The following GRXCR1 variants were observed in gnomAD, a reference collection of about 807,000 sequenced individuals.
The protein encoded by GRXCR1 is glutaredoxin domain-containing cysteine-rich protein 1.
In GRXCR1, 27 loss-of-function variants were observed where a neutral mutation model predicts 27.3. That is an observed-to-expected ratio of 0.99 (90% CI 0.73 to 1.37). GRXCR1 has a LOEUF of 1.37. Ranked by LOEUF, GRXCR1 falls within the 40% of genes most tolerant of loss-of-function variation. GRXCR1 has a pLI of 0.00. For synonymous variants in GRXCR1, 122 were observed against 131.1 expected (o/e 0.93, Z 0.47); for missense variants, 379 against 354.4 (o/e 1.07, Z -0.56).
chr4:42,897,672 C>T (rs1746375070), intron 1 of GRXCR1, among the ~76,000 whole-genome samples: 1 of 151,990 alleles, frequency 6.6e-6, no homozygotes, highest in Non-Finnish European at 1.5e-5. Context: ...TATTTTGCTG[C>T]TAAGAACAAA....
intron 1 of GRXCR1, among the ~76,000 whole-genome samples, chr4:42,940,895 A>C (rs139205964): frequency 1.9e-4 from 29 of 152,202 alleles, no homozygotes; most frequent in African/African-American, 6.7e-4. Context: ...TAATGTTGCC[A>C]TATAAAATAT....
At chr4:43,021,700 T>C (rs1215244962) in intron 3 of GRXCR1, among the ~76,000 whole-genome samples, 3 of 152,208 alleles carry the variant, frequency 2.0e-5, no homozygotes, top group African/African-American at 7.2e-5. Context: ...TCAATGAGGA[T>C]GATGGGCAGA....
chr4:43,009,990 C>T (rs528237641), intron 2 of GRXCR1, among the ~76,000 whole-genome samples: 108 of 152,210 alleles, frequency 7.1e-4, no homozygotes, highest in Admixed American at 1.5e-3. Context: ...CAGGGGTATA[C>T]ATTTCTCTGC....
At chr4:43,005,912 G>A (rs1712542287) in intron 2 of GRXCR1, among the ~76,000 whole-genome samples, 1 of 152,320 alleles carries the variant, frequency 6.6e-6, no homozygotes, top group East Asian at 1.9e-4. Context: ...ATATTTTGTT[G>A]TCATGGATAT....
chr4:42,928,897 G>A (rs1017502790), intron 1 of GRXCR1, among the ~76,000 whole-genome samples: 4 of 151,946 alleles, frequency 2.6e-5, no homozygotes, highest in African/African-American at 9.7e-5. Flanking sequence ...GCATGATTCA[G>A]GCTTAGTCCT....
At chr4:42,912,352 G>T in intron 1 of GRXCR1, among the ~76,000 whole-genome samples, 1 of 152,230 alleles carries the variant, frequency 6.6e-6, no homozygotes, top group East Asian at 1.9e-4. Context: ...ATAATCAGGT[G>T]GAATTCATGC....
chr4:42,916,178 A>G (rs1331671572), intron 1 of GRXCR1, among the ~76,000 whole-genome samples: 1 of 152,174 alleles, frequency 6.6e-6, no homozygotes, highest in Non-Finnish European at 1.5e-5. Context: ...TTGGAACTCA[A>G]GAAATACTGG....
At chr4:42,901,907 A>T (rs1746470172) in intron 1 of GRXCR1, among the ~76,000 whole-genome samples, 1 of 152,220 alleles carries the variant, frequency 6.6e-6, no homozygotes, top group South Asian at 2.1e-4. Context: ...TGGCACAATC[A>T]AAGTATTGAA....
intron 1 of GRXCR1, among the ~76,000 whole-genome samples, chr4:42,912,573 T>C (rs1267057400): frequency 6.6e-6 from 1 of 152,198 alleles, no homozygotes; most frequent in African/African-American, 2.4e-5. Flanking sequence ...ATGCCAGGTT[T>C]GGAGTTCTGT....
chr4:43,002,821 T>C (rs1435957659), intron 2 of GRXCR1, among the ~76,000 whole-genome samples: 2 of 152,196 alleles, frequency 1.3e-5, no homozygotes, highest in Non-Finnish European at 2.9e-5. Context: ...AACTTATGAA[T>C]GATGTAGACA....
chr4:42,983,041 C>T (rs985466547), intron 2 of GRXCR1, among the ~76,000 whole-genome samples: 47 of 152,050 alleles, frequency 3.1e-4, no homozygotes, highest in Admixed American at 1.4e-3. Flanking sequence ...TTTTGCTGTG[C>T]GGAAGCTCTT....
At chr4:43,023,888 C>A (rs1713170965) in intron 3 of GRXCR1, among the ~76,000 whole-genome samples, 2 of 152,122 alleles carry the variant, frequency 1.3e-5, no homozygotes, top group African/African-American at 4.8e-5. Flanking sequence ...AAACCACCAT[C>A]TTTTTGGTAA....
At chr4:42,961,228 A>T (rs1748124186) in intron 1 of GRXCR1, among the ~76,000 whole-genome samples, 1 of 151,764 alleles carries the variant, frequency 6.6e-6, no homozygotes, top group Non-Finnish European at 1.5e-5. Context: ...TATGTACCAC[A>T]TTTTCTTTAT....
rs142808036 is a variant in GRXCR1 at position 43,012,081 on chromosome 4, C to T, written c.628-8273C>T. Among the ~76,000 whole-genome samples the T allele has an allele frequency of 1.1e-4, 17 of 152,216 alleles. No individual in the cohort carries two copies. In the East Asian group the frequency reaches 3.3e-3, roughly 29 times the overall value. On this transcript the variant is annotated intron_variant, in intron 2 of 3. Coordinates refer to ENST00000399770, the MANE Select transcript of GRXCR1 (RefSeq NM_001080476.3). ...GAATCTTCTTCAAATATTTTTCCTG[C>T]TGAGTGATTAAATATCCATTTCATC... is the stretch of plus-strand genomic sequence containing the variant.
intron 3 of GRXCR1, among the ~76,000 whole-genome samples, chr4:43,023,297 C>T (rs1176883537): frequency 6.6e-6 from 1 of 152,096 alleles, no homozygotes; most frequent in African/African-American, 2.4e-5. Flanking sequence ...ACTCCTGGTC[C>T]TCATAATTCA....
At chr4:43,020,529 G>T (rs899061602) in intron 3 of GRXCR1, 110 bp downstream of exon 3, 69 of 752,724 alleles carry the variant, frequency 9.2e-5, no homozygotes, top group Non-Finnish European at 1.6e-4. Flanking sequence ...TTACAAATAT[G>T]CAATAGGATA....
At chr4:43,025,886 G>C (rs1160277715) in intron 3 of GRXCR1, among the ~76,000 whole-genome samples, 1 of 151,058 alleles carries the variant, frequency 6.6e-6, no homozygotes, top group Non-Finnish European at 1.5e-5. Context: ...TGAGGCAGGA[G>C]AATGGCGTGA....
At position 42,903,308 on chromosome 4, in the gene GRXCR1, ATTTTTTTTTTTTT is replaced by A. The variant is rs35512711; in HGVS notation, c.384+9674_384+9686del. 3.6e-4 allele frequency among the ~76,000 whole-genome samples: 23 copies of A among 63,228 alleles called. 3 individuals are homozygous for A. In the South Asian group the frequency reaches 0.026, roughly 70 times the overall value. 41.5% of individuals were successfully genotyped at this position (63,228 alleles called of 152,430 possible). On this transcript the variant is annotated intron_variant, in intron 1 of 3. Transcript: ENST00000399770. ...AAAAATTTGGGCCACAGCTTTGTAG[ATTTTTTTTTTTTT>A]TTTTTTTTTTTTTTTAGACGGAGTC... is the stretch of plus-strand genomic sequence containing the variant.
chr4:42,895,078 A>T (rs1268153939), intron 1 of GRXCR1, among the ~76,000 whole-genome samples: 1 of 152,054 alleles, frequency 6.6e-6, no homozygotes, highest in Non-Finnish European at 1.5e-5. Context: ...TTTATGAGTA[A>T]ATATCTTAAG....
Sources: gnomAD v4.1 joint callset for allele counts (sites outside exome capture counted in the v4.1 genomes callset) on GRCh38, gnomAD v4.1.1 for gene constraint, MANE v1.5 for transcripts, NCBI Gene and HGNC (gene_info 2026-07-23, HGNC 2026-07-21) for gene names.